Variants in MYT1L observed in about 807,000 individuals in gnomAD.
MYT1L encodes the protein myelin transcription factor 1 like, also known as myelin transcription factor 1-like protein.
A neutral mutation model predicts 126.7 loss-of-function variants in MYT1L; 12 were observed. The observed-to-expected ratio is 0.09, with a 90% CI of 0.06 to 0.15. The LOEUF (loss-of-function observed/expected upper bound fraction) is 0.15, where lower values mean the gene tolerates loss of function less well. MYT1L is among the 10% of genes least tolerant of loss of function. MYT1L has a pLI of 1.00. For missense variants in MYT1L, 979 were observed against 1,585.2 expected (o/e 0.62, Z 6.49); for synonymous variants, 541 against 604.2 (o/e 0.90, Z 1.53).
At chr2:2,212,170 A>G (rs1012760206) in intron 2 of MYT1L, among the ~76,000 whole-genome samples, 8 of 152,166 alleles carry the variant, frequency 5.3e-5, no homozygotes, top group African/African-American at 1.9e-4. Context: ...CTTTAATACA[A>G]ATAGATTTGT....
At chr2:2,081,127 A>AT (rs2075780779) in intron 3 of MYT1L, among the ~76,000 whole-genome samples, 1 of 152,194 alleles carries the variant, frequency 6.6e-6, no homozygotes, top group Admixed American at 6.5e-5. Context: ...AAATCATTGA[A>AT]TTATGAACTT....
intron 8 of MYT1L, among the ~76,000 whole-genome samples, chr2:1,961,026 G>C (rs1393296785): frequency 1.3e-5 from 2 of 152,254 alleles, no homozygotes. Flanking sequence ...AAAGAGAGCT[G>C]TGCGTGCAGT....
intron 8 of MYT1L, among the ~76,000 whole-genome samples, chr2:1,948,143 A>G (rs953015263): frequency 1.3e-5 from 2 of 152,128 alleles, no homozygotes; most frequent in East Asian, 3.9e-4. Context: ...AGTACCTTCT[A>G]GTCTTCTATT....
chr2:1,794,314 T>C (rs1413532631), intron 23 of MYT1L, among the ~76,000 whole-genome samples: 1 of 152,258 alleles, frequency 6.6e-6, no homozygotes, highest in Admixed American at 6.5e-5. Flanking sequence ...TCGCCTCTGG[T>C]TGAGCATCTC....
chr2:1,868,155 G>A (rs544330707), intron 18 of MYT1L, among the ~76,000 whole-genome samples: 1 of 152,188 alleles, frequency 6.6e-6, no homozygotes, highest in Admixed American at 6.5e-5. Context: ...TAAAGATGGG[G>A]TTTCACCAGG....
At chr2:2,151,289 C>T (rs187744659) in intron 3 of MYT1L, among the ~76,000 whole-genome samples, 4 of 152,158 alleles carry the variant, frequency 2.6e-5, no homozygotes, top group Non-Finnish European at 5.9e-5. Context: ...ATATTGGACT[C>T]CTCTCTTGAG....
intron 5 of MYT1L, among the ~76,000 whole-genome samples, chr2:1,995,535 GA>G (rs894599786): frequency 2.6e-5 from 4 of 152,208 alleles, no homozygotes; most frequent in Admixed American, 2.0e-4. Flanking sequence ...AGAAGGGGTG[GA>G]AGGGAAAAGG....
intron 4 of MYT1L, among the ~76,000 whole-genome samples, chr2:2,007,272 T>C (rs1490000003): frequency 6.6e-6 from 1 of 152,220 alleles, no homozygotes; most frequent in Non-Finnish European, 1.5e-5. Context: ...CCAAGCCACA[T>C]TCCCATCTAC....
chr2:2,288,801 G>T (rs900907269), intron 1 of MYT1L, among the ~76,000 whole-genome samples: 7 of 152,108 alleles, frequency 4.6e-5, no homozygotes, highest in Middle Eastern at 3.2e-3. Context: ...TCAGACTAGA[G>T]CCACATACAC....
At chr2:2,305,090 A>AT (rs1559616356) in intron 1 of MYT1L, among the ~76,000 whole-genome samples, 1 of 152,180 alleles carries the variant, frequency 6.6e-6, no homozygotes, top group Non-Finnish European at 1.5e-5. Context: ...TTTTAAGTTT[A>AT]TTTTTTTGAT....
chr2:2,158,160 C>T (rs13033306), intron 3 of MYT1L, among the ~76,000 whole-genome samples: 6,873 of 142,092 alleles, frequency 0.048, 175 homozygotes, highest in Middle Eastern at 0.11. Flanking sequence ...GCAGACACAC[C>T]GAGACCACAC....
At chr2:2,142,516 T>C (rs1423706161) in intron 3 of MYT1L, among the ~76,000 whole-genome samples, 1 of 152,084 alleles carries the variant, frequency 6.6e-6, no homozygotes, top group Non-Finnish European at 1.5e-5. Flanking sequence ...AAGCGTCAAC[T>C]CCCTGGGCTG....
intron 18 of MYT1L, among the ~76,000 whole-genome samples, chr2:1,860,195 G>T (rs2044411528): frequency 6.6e-6 from 1 of 152,226 alleles, no homozygotes. Context: ...CACTTAACGG[G>T]ATGTGTCCAT....
At chr2:1,876,721 A>G (rs1438043354) in intron 18 of MYT1L, among the ~76,000 whole-genome samples, 1 of 152,164 alleles carries the variant, frequency 6.6e-6, no homozygotes, top group Non-Finnish European at 1.5e-5. Flanking sequence ...ACTGCAAGAC[A>G]TCGGGGAGAT....
chr2:2,072,295 A>T (rs1012908334), intron 3 of MYT1L, among the ~76,000 whole-genome samples: 1 of 152,172 alleles, frequency 6.6e-6, no homozygotes, highest in Non-Finnish European at 1.5e-5. Context: ...CCTACCACCT[A>T]TGTGCTGGCA....
At chr2:2,135,354 T>C (rs1004524614) in intron 3 of MYT1L, among the ~76,000 whole-genome samples, 1 of 152,216 alleles carries the variant, frequency 6.6e-6, no homozygotes, top group African/African-American at 2.4e-5. Flanking sequence ...ATGACTTTGC[T>C]CTTCCTTTGC....
At position 1,912,236 on chromosome 2, in the gene MYT1L, T is replaced by G. The variant is rs116264438; in HGVS notation, c.1619-126A>C. 24,953 of 558,316 alleles carry G rather than the reference T, an allele frequency of 0.045. 789 individuals are homozygous for G. Among genetic ancestry groups the G allele is most frequent in the Non-Finnish European group, 0.056 (18,149 of 325,758 alleles). 34.6% of individuals were successfully genotyped at this position (558,316 alleles called of 1,614,324 possible). A position where few individuals can be genotyped will look rare whatever the true frequency, so the allele number is the denominator to read the frequency against. ...TAGACAGTCCTACAAACGTTTGTGATGGGCATGGCCAGGAAAACACACATG... is the reference window on the plus strand; with the variant it reads ...TAGACAGTCCTACAAACGTTTGTGAGGGGCATGGCCAGGAAAACACACATG... On this transcript the variant is annotated intron_variant, in intron 11 of 24. Transcript: ENST00000647738. The surrounding 1 kb of genome is among the most constrained non-coding windows in gnomAD (Gnocchi z 4.3).
intron 18 of MYT1L, among the ~76,000 whole-genome samples, chr2:1,873,264 T>C (rs1482887917): frequency 1.3e-5 from 2 of 152,218 alleles, no homozygotes; most frequent in Non-Finnish European, 1.5e-5. Flanking sequence ...GGATCTCAAA[T>C]ATAATAAAAT....
chr2:2,162,875 T>A (rs1286973954), intron 3 of MYT1L, among the ~76,000 whole-genome samples: 2 of 152,244 alleles, frequency 1.3e-5, no homozygotes, highest in Non-Finnish European at 2.9e-5. Flanking sequence ...GTTTGACTTC[T>A]ACTTTTATCA....
Sources: gnomAD v4.1 joint callset for allele counts (sites outside exome capture counted in the v4.1 genomes callset) on GRCh38, gnomAD v4.1.1 for gene constraint, Gnocchi (gnomAD v3.1) non-coding constraint, MANE v1.5 for transcripts, NCBI Gene and HGNC (gene_info 2026-07-23, HGNC 2026-07-21) for gene names.